ATP2B2: variants seen among roughly 807,000 people sequenced by gnomAD.
ATP2B2 encodes ATPase plasma membrane Ca2+ transporting 2.
In ATP2B2, 15 loss-of-function variants were observed where a neutral mutation model predicts 120.0. The ratio of observed to expected loss-of-function variants is 0.12; its 90% CI spans 0.08 to 0.19. ATP2B2 has a LOEUF of 0.19. ATP2B2 is among the 10% of genes least tolerant of loss of function. The pLI is 1.00. For missense variants in ATP2B2, 1,045 were observed against 1,719.8 expected (o/e 0.61, Z 6.94); for synonymous variants, 694 against 700.3 (o/e 0.99, Z 0.14).
At chr3:10,669,545 T>C (rs1341768234) in intron 1 of ATP2B2, among the ~76,000 whole-genome samples, 1 of 152,088 alleles carries the variant, frequency 6.6e-6, no homozygotes, top group African/African-American at 2.4e-5. Context: ...GAGTTACAAA[T>C]ACAGGAGCTG....
chr3:10,391,360 C>G (rs1438169), intron 5 of ATP2B2, among the ~76,000 whole-genome samples: 52,273 of 152,078 alleles, frequency 0.34, 12,106 homozygotes, highest in African/African-American at 0.64. Context: ...ACACATTCTG[C>G]TCTGAGTAGA....
rs112397507 is a variant in ATP2B2, at chr3:10,341,464, T to C, written c.2918-760A>G. On this transcript the variant is annotated intron_variant, in intron 19 of 22. Coordinates refer to ENST00000360273, the MANE Select transcript of ATP2B2 (RefSeq NM_001001331.4). ...TAGCTGGGATTACAGGTGCGCACCA[T>C]CACGCCCGGCTAATTTTTGTATTTT... Among the ~76,000 whole-genome samples, 111 of 152,160 alleles carry C rather than the reference T, an allele frequency of 7.3e-4. 1 individual carries two copies. Among genetic ancestry groups the C allele is most frequent in the African/African-American group, 2.6e-3 (106 of 41,516 alleles).
rs531578236 is a variant in ATP2B2, at chr3:10,654,484, G to A, written c.-459-34523C>T. Among the ~76,000 whole-genome samples the A allele has an allele frequency of 1.9e-4, 29 of 152,252 alleles. 1 individual carries two copies. The South Asian group carries it at 5.8e-3, about 31-fold the overall frequency. On this transcript the variant is annotated intron_variant, in intron 1 of 21. Transcript: ENST00000646379. ...AGGCGGGAAATGAACATAGACGAGC[G>A]AAGTGGAGGAGACATAGGTATGGGT... is the stretch of plus-strand genomic sequence containing the variant.
intron 3 of ATP2B2, among the ~76,000 whole-genome samples, chr3:10,529,577 C>T (rs182748058): frequency 1.7e-3 from 265 of 152,252 alleles, no homozygotes; most frequent in Non-Finnish European, 2.9e-3. Context: ...AAATATTCTT[C>T]GAGTCTATTT....
Position 10,635,798 on chromosome 3 carries a change from C to A in ATP2B2, c.-459-15837G>T, listed in dbSNP as rs901825602. Among the ~76,000 whole-genome samples the A allele has an allele frequency of 6.6e-6, 1 of 152,204 alleles. No homozygotes were observed. The highest frequency in any genetic ancestry group is 1.9e-4 in the East Asian group (1 of 5,202). ...GGCTGGGCTGGAGTCAGCAAATGATCCCCTGGTGGGTATTTCATAAAGCAC... is the reference window on the plus strand; with the variant it reads ...GGCTGGGCTGGAGTCAGCAAATGATACCCTGGTGGGTATTTCATAAAGCAC... On this transcript the variant is annotated intron_variant, in intron 1 of 21. Transcript: ENST00000646379. The surrounding 1 kb of genome is among the most constrained non-coding windows in gnomAD (Gnocchi z 4.3).
chr3:10,337,866 T>G (rs1159784014), intron 22 of ATP2B2, among the ~76,000 whole-genome samples: 2 of 152,122 alleles, frequency 1.3e-5, no homozygotes, highest in African/African-American at 4.8e-5. Flanking sequence ...CACTCACCTC[T>G]GCCCTCAGAG....
rs2060357400 is a variant in ATP2B2 at position 10,343,974 on chromosome 3, G to C, written c.2704-1009C>G. 2.0e-5 allele frequency among the ~76,000 whole-genome samples: 3 copies of C among 151,804 alleles called. No individual in the cohort carries two copies. The highest frequency in any genetic ancestry group is 7.3e-5 in the African/African-American group (3 of 41,310). ...GTAAGCTCAACAGCCCAAACCCGAT[G>C]CTCTTCCCACCTCTGTTCTCTCCCA... On this transcript the variant is annotated intron_variant, in intron 18 of 22. Transcript: ENST00000360273. This position sits in a 1 kb window ranked among gnomAD's most constrained non-coding sequence, Gnocchi z 4.2.
chr3:10,391,143 G>A (rs2061836779), intron 5 of ATP2B2, among the ~76,000 whole-genome samples: 1 of 152,186 alleles, frequency 6.6e-6, no homozygotes, highest in Non-Finnish European at 1.5e-5. Context: ...ACTGTGTGCA[G>A]GGCACATGCT....
chr3:10,707,412 G>C (rs575876538), intron 1 of ATP2B2, among the ~76,000 whole-genome samples: 1 of 152,280 alleles, frequency 6.6e-6, no homozygotes, highest in Admixed American at 6.5e-5. Context: ...CACGTTTGGG[G>C]AAGGGAGAAG....
chr3:10,569,499 A>AT (rs34935654), intron 2 of ATP2B2, among the ~76,000 whole-genome samples: 9 of 151,914 alleles, frequency 5.9e-5, no homozygotes, highest in African/African-American at 1.2e-4. Context: ...CCTGACCAGT[A>AT]TTTTTTTTCT....
At chr3:10,653,213 A>G (rs559864156) in intron 1 of ATP2B2, among the ~76,000 whole-genome samples, 1 of 152,328 alleles carries the variant, frequency 6.6e-6, no homozygotes, top group African/African-American at 2.4e-5. Flanking sequence ...CGGCTCCTCC[A>G]TGAGGTGTGG....
intron 22 of ATP2B2, 60 bp downstream of exon 22, chr3:10,338,116 C>T (rs1238629379): frequency 4.4e-5 from 71 of 1,606,264 alleles, no homozygotes; most frequent in Non-Finnish European, 5.9e-5. Flanking sequence ...AGCACACTCA[C>T]CTCCATCCCC....
intron 1 of ATP2B2, among the ~76,000 whole-genome samples, chr3:10,643,647 C>T (rs2070236890): frequency 6.6e-6 from 1 of 152,080 alleles, no homozygotes; most frequent in African/African-American, 2.4e-5. Context: ...ACAGACAAAC[C>T]CCAAATAAGG....
At chr3:10,587,886 T>C (rs2068551603) in intron 2 of ATP2B2, among the ~76,000 whole-genome samples, 1 of 152,206 alleles carries the variant, frequency 6.6e-6, no homozygotes, top group African/African-American at 2.4e-5. Context: ...CAGTTCACAT[T>C]TTATGTCTTC....
At chr3:10,536,651 TG>T (rs1475358384) in intron 2 of ATP2B2, among the ~76,000 whole-genome samples, 2 of 152,060 alleles carry the variant, frequency 1.3e-5, no homozygotes, top group Non-Finnish European at 2.9e-5. Flanking sequence ...CTCAGCCTCC[TG>T]AATAGCTGGG....
intron 5 of ATP2B2, among the ~76,000 whole-genome samples, chr3:10,393,145 C>G (rs2061912226): frequency 6.6e-6 from 1 of 152,140 alleles, no homozygotes. Context: ...AGCAGATAGG[C>G]ACACAGATCC....
At chr3:10,539,232 C>T (rs2067381128) in intron 2 of ATP2B2, among the ~76,000 whole-genome samples, 1 of 152,172 alleles carries the variant, frequency 6.6e-6, no homozygotes, top group South Asian at 2.1e-4. Flanking sequence ...AGGACACCAA[C>T]AAATGGAAGA....
chr3:10,421,086 G>C (rs2062962823), intron 2 of ATP2B2, among the ~76,000 whole-genome samples: 2 of 152,156 alleles, frequency 1.3e-5, no homozygotes, highest in Non-Finnish European at 2.9e-5. Flanking sequence ...CTCTTGGATG[G>C]GGCAGGGCCA....
chr3:10,627,740 G>A (rs139883683), intron 1 of ATP2B2, among the ~76,000 whole-genome samples: 2 of 152,304 alleles, frequency 1.3e-5, no homozygotes, highest in African/African-American at 4.8e-5. Context: ...CCTACCATGT[G>A]CCAGGCCCTC....
Sources: gnomAD v4.1 joint callset for allele counts (sites outside exome capture counted in the v4.1 genomes callset) on GRCh38, gnomAD v4.1.1 for gene constraint, Gnocchi (gnomAD v3.1) non-coding constraint, MANE v1.5 for transcripts, NCBI Gene and HGNC (gene_info 2026-07-23, HGNC 2026-07-21) for gene names.